COL11A1: variants seen among roughly 807,000 people sequenced by gnomAD.
The protein encoded by COL11A1 is collagen type XI alpha 1 chain, also known as collagen alpha-1(XI) chain.
Under a neutral mutation model 265.2 loss-of-function variants are expected in COL11A1, and 74 were observed. That is an observed-to-expected ratio of 0.28 (90% CI 0.23 to 0.34). The LOEUF is 0.34. Ranked by LOEUF, COL11A1 falls within the 10% of genes least tolerant of loss-of-function variation. COL11A1 has a pLI of 1.00. For missense variants in COL11A1, 2,165 were observed against 2,263.6 expected, an observed-to-expected ratio of 0.96 and a Z score of 0.88; for synonymous variants, 816 against 727.6, an observed-to-expected ratio of 1.12 and a Z score of -1.96.
intron 24 of COL11A1, among the ~76,000 whole-genome samples, chr1:102,999,319 G>A (rs1225320546): frequency 6.6e-6 from 1 of 151,928 alleles, no homozygotes; most frequent in African/African-American, 2.4e-5. Context: ...CCTTTAAATT[G>A]AAAAGTGAAG....
At chr1:103,019,809 A>G (rs1666862942) in intron 9 of COL11A1, among the ~76,000 whole-genome samples, 3 of 144,902 alleles carry the variant, frequency 2.1e-5, no homozygotes, top group African/African-American at 5.1e-5. Context: ...TCATTGTTCA[A>G]TTCCCACCTA....
intron 20 of COL11A1, 35 bp downstream of exon 20, chr1:103,004,409 A>G (rs1381477449): frequency 1.9e-6 from 3 of 1,546,304 alleles, no homozygotes; most frequent in South Asian, 2.3e-5. Context: ...TAAAAACTAG[A>G]AATATTACTT....
At chr1:102,882,874 T>C (rs1650432935) in intron 64 of COL11A1, among the ~76,000 whole-genome samples, 1 of 152,182 alleles carries the variant, frequency 6.6e-6, no homozygotes, top group Admixed American at 6.5e-5. Flanking sequence ...GTGAGGTCTC[T>C]GATGTGGTAA....
chr1:103,034,822 C>A (rs931193823), intron 4 of COL11A1, among the ~76,000 whole-genome samples: 1 of 151,792 alleles, frequency 6.6e-6, no homozygotes, highest in African/African-American at 2.4e-5. Flanking sequence ...AAATAACAAC[C>A]CTGAAATCAG....
At chr1:102,959,265 T>C (rs1271922802) in intron 41 of COL11A1, among the ~76,000 whole-genome samples, 9 of 152,244 alleles carry the variant, frequency 5.9e-5, no homozygotes, top group Admixed American at 1.3e-4. Context: ...ATTAGTGATT[T>C]AGTTTTTTAT....
At chr1:103,018,992 A>C in intron 9 of COL11A1, 133 bp from the exon 10 acceptor site, 1 of 696,492 alleles carries the variant, frequency 1.4e-6, no homozygotes, top group Non-Finnish European at 2.4e-6. Flanking sequence ...TAAATTAATT[A>C]CAAATGTTTT....
chr1:102,883,139 A>G, intron 64 of COL11A1, 60 bp downstream of exon 64: 2 of 1,099,394 alleles, frequency 1.8e-6, no homozygotes, highest in Non-Finnish European at 2.8e-6. Flanking sequence ...TGTTTAGTTC[A>G]ATATTGCAAA....
At chr1:102,967,645 G>A (rs1661576372) in intron 37 of COL11A1, among the ~76,000 whole-genome samples, 1 of 152,032 alleles carries the variant, frequency 6.6e-6, no homozygotes, top group African/African-American at 2.4e-5. Context: ...CTAAATTCTA[G>A]CCATGCTGAT....
chr1:102,881,837 A>G, intron 64 of COL11A1, 72 bp from the exon 65 acceptor site: 1 of 1,089,630 alleles, frequency 9.2e-7, no homozygotes, highest in Non-Finnish European at 1.4e-6. Context: ...TTATATACAT[A>G]TAATTCATTT....
At chr1:102,959,476 TC>T (rs1660684245) in intron 41 of COL11A1, among the ~76,000 whole-genome samples, 1 of 152,150 alleles carries the variant, frequency 6.6e-6, no homozygotes, top group Non-Finnish European at 1.5e-5. Flanking sequence ...ACATGGCCCT[TC>T]CCCTTATTTA....
intron 28 of COL11A1, among the ~76,000 whole-genome samples, chr1:102,992,375 C>G (rs572799125): frequency 2.0e-5 from 3 of 151,874 alleles, no homozygotes; most frequent in African/African-American, 7.2e-5. Context: ...CAGACTTAAG[C>G]GACAAATCTA....
intron 4 of COL11A1, among the ~76,000 whole-genome samples, chr1:103,054,421 G>A (rs943175615): frequency 6.6e-6 from 1 of 151,986 alleles, no homozygotes; most frequent in African/African-American, 2.4e-5. Flanking sequence ...ACGTTCAAAT[G>A]GCATTTTGCT....
intron 24 of COL11A1, among the ~76,000 whole-genome samples, chr1:102,999,178 T>G (rs1217997502): frequency 6.6e-6 from 1 of 152,012 alleles, no homozygotes; most frequent in Non-Finnish European, 1.5e-5. Context: ...GCCTAAATGC[T>G]GGACATATTT....
chr1:103,018,953 T>C, intron 9 of COL11A1, 94 bp from the exon 10 acceptor site: 1 of 968,384 alleles, frequency 1.0e-6, no homozygotes, highest in Non-Finnish European at 1.6e-6. Context: ...CATTGCATAT[T>C]AAATAGTGAA....
intron 14 of COL11A1, among the ~76,000 whole-genome samples, chr1:103,010,104 A>G (rs1665975963): frequency 6.6e-6 from 1 of 152,154 alleles, no homozygotes; most frequent in South Asian, 2.1e-4. Flanking sequence ...GAAAAAACAG[A>G]TTTTCTACAC....
intron 41 of COL11A1, among the ~76,000 whole-genome samples, chr1:102,951,982 C>A (rs187907679): frequency 6.6e-6 from 1 of 151,940 alleles, no homozygotes; most frequent in African/African-American, 2.4e-5. Context: ...TAAATTTATA[C>A]CGAAGTATGT....
At chr1:103,008,339 C>T (rs1291531188) in intron 15 of COL11A1, 124 bp downstream of exon 15, 8 of 743,566 alleles carry the variant, frequency 1.1e-5, no homozygotes, top group Non-Finnish European at 1.9e-5. Context: ...AAAATAAACC[C>T]TCATACATCA....
At chr1:103,022,033 T>G (rs536653327) in intron 8 of COL11A1, among the ~76,000 whole-genome samples, 137 of 150,452 alleles carry the variant, frequency 9.1e-4, no homozygotes, top group Non-Finnish European at 1.4e-3. Context: ...TTTTTGTATT[T>G]TTAGTAGAGA....
chr1:103,076,369 T>A (rs1421334140), intron 3 of COL11A1, among the ~76,000 whole-genome samples: 1 of 151,974 alleles, frequency 6.6e-6, no homozygotes, highest in Non-Finnish European at 1.5e-5. Flanking sequence ...TTTAAAAATC[T>A]AAGTCAGATC....
Sources: allele counts gnomAD v4.1 joint callset (sites outside exome capture counted in the v4.1 genomes callset), GRCh38; gene constraint gnomAD v4.1.1; transcripts MANE v1.5; gene names NCBI Gene and HGNC (gene_info 2026-07-23, HGNC 2026-07-21).